BAALC: variants seen among roughly 807,000 people sequenced by gnomAD.
BAALC encodes BAALC binder of MAP3K1 and KLF4, also known as brain and acute leukemia cytoplasmic protein.
A neutral mutation model predicts 15.5 loss-of-function variants in BAALC; 9 were observed. The ratio of observed to expected loss-of-function variants is 0.58; its 90% CI spans 0.35 to 1.02. BAALC has a LOEUF of 1.02. BAALC is among the 50% of genes least tolerant of loss of function. The probability of loss-of-function intolerance (pLI) is 0.02; values close to 1 mark genes in which losing one functional copy is unlikely to be tolerated. For synonymous variants in BAALC, 80 were observed against 74.6 expected (o/e 1.07, Z -0.37); for missense variants, 201 against 192.4 (o/e 1.04, Z -0.27).
chr8:103,206,165 GCCTT>G (rs1291368834), intron 1 of BAALC, among the ~76,000 whole-genome samples: 1 of 152,130 alleles, frequency 6.6e-6, no homozygotes, highest in Non-Finnish European at 1.5e-5. Context: ...TCAACCTCCA[GCCTT>G]CCCAGAAACA....
chr8:103,193,577 T>C (rs1292700804), intron 1 of BAALC, among the ~76,000 whole-genome samples: 1 of 152,124 alleles, frequency 6.6e-6, no homozygotes, highest in African/African-American at 2.4e-5. Flanking sequence ...TGGGAGCAAA[T>C]AGATGGGAGC....
intron 1 of BAALC, among the ~76,000 whole-genome samples, chr8:103,175,404 T>G (rs1001538588): frequency 4.6e-5 from 7 of 152,266 alleles, no homozygotes; most frequent in African/African-American, 1.7e-4. Flanking sequence ...ATTTCAGAAC[T>G]GTTTTATCAT....
At chr8:103,219,233 C>G (rs1428518586) in intron 2 of BAALC, among the ~76,000 whole-genome samples, 2 of 152,192 alleles carry the variant, frequency 1.3e-5, no homozygotes, top group Non-Finnish European at 2.9e-5. Context: ...CTGGAAGGCT[C>G]TCAGGGCAGA....
At chr8:103,191,894 G>C (rs1327051150) in intron 1 of BAALC, among the ~76,000 whole-genome samples, 1 of 152,106 alleles carries the variant, frequency 6.6e-6, no homozygotes, top group Non-Finnish European at 1.5e-5. Context: ...AGGAATGGGG[G>C]CTTAAGAGTC....
chr8:103,152,321 A>T (rs1224534655), intron 1 of BAALC, among the ~76,000 whole-genome samples: 3 of 152,012 alleles, frequency 2.0e-5, no homozygotes, highest in Non-Finnish European at 2.9e-5. Context: ...CTCTGAATAC[A>T]TGGAGCCCCT....
chr8:103,145,473 C>G (rs1049762238), intron 1 of BAALC, among the ~76,000 whole-genome samples: 1 of 152,226 alleles, frequency 6.6e-6, no homozygotes, highest in African/African-American at 2.4e-5. Context: ...CAAAGTCCCT[C>G]TTGATACAAG....
intron 2 of BAALC, 120 bp downstream of exon 2, chr8:103,213,205 A>G: frequency 8.7e-7 from 1 of 1,154,704 alleles, no homozygotes; most frequent in South Asian, 2.1e-5. Context: ...TCTTGGAAAA[A>G]AAAAGTCTCT....
chr8:103,175,867 A>G (rs1461390658), intron 1 of BAALC, among the ~76,000 whole-genome samples: 2 of 152,224 alleles, frequency 1.3e-5, no homozygotes, highest in Non-Finnish European at 1.5e-5. Flanking sequence ...CCTGCTTTAC[A>G]TAGTATCCTC....
At chr8:103,188,394 C>T (rs1811893046) in intron 1 of BAALC, among the ~76,000 whole-genome samples, 1 of 152,110 alleles carries the variant, frequency 6.6e-6, no homozygotes, top group African/African-American at 2.4e-5. Flanking sequence ...TGACCCCGCA[C>T]AGTCTGAAAG....
intron 1 of BAALC, among the ~76,000 whole-genome samples, chr8:103,171,375 G>GGC (rs1244780053): frequency 2.1e-3 from 182 of 85,886 alleles, no homozygotes; most frequent in African/African-American, 7.1e-3. Flanking sequence ...GAGAAAGAAA[G>GGC]AAAGGCAAGA....
intron 1 of BAALC, among the ~76,000 whole-genome samples, chr8:103,179,963 G>C (rs1476501229): frequency 6.6e-6 from 1 of 152,130 alleles, no homozygotes; most frequent in Non-Finnish European, 1.5e-5. Context: ...ATTGCAGAGG[G>C]AAGTTGTTGT....
At chr8:103,143,829 G>A (rs1333511894) in intron 1 of BAALC, among the ~76,000 whole-genome samples, 8 of 152,282 alleles carry the variant, frequency 5.3e-5, no homozygotes, top group African/African-American at 1.2e-4. Context: ...CCTGTCCTCC[G>A]TCCTGTCAGC....
chr8:103,165,883 G>A (rs539647373), intron 1 of BAALC: 2 of 152,308 alleles, frequency 1.3e-5, no homozygotes, highest in East Asian at 3.9e-4. Flanking sequence ...GGTGCACACT[G>A]AATTCTGTAA....
intron 1 of BAALC, among the ~76,000 whole-genome samples, chr8:103,199,436 A>T (rs967994605): frequency 6.6e-6 from 1 of 152,136 alleles, no homozygotes; most frequent in African/African-American, 2.4e-5. Context: ...TAAATTACAG[A>T]TACATAAAGG....
intron 1 of BAALC, chr8:103,198,087 A>G (rs1177664004): frequency 2.9e-6 from 2 of 699,388 alleles, no homozygotes; most frequent in East Asian, 2.7e-5. Context: ...TTCCATCTAC[A>G]TGTACTGTTA....
chr8:103,152,018 T>C (rs1810997245), intron 1 of BAALC, among the ~76,000 whole-genome samples: 2 of 152,100 alleles, frequency 1.3e-5, no homozygotes, highest in Admixed American at 1.3e-4. Context: ...CACATCCGTC[T>C]TCCACTTGAA....
At chr8:103,192,376 C>G (rs1051971929) in intron 1 of BAALC, among the ~76,000 whole-genome samples, 2 of 152,196 alleles carry the variant, frequency 1.3e-5, no homozygotes, top group African/African-American at 2.4e-5. Flanking sequence ...TGATAGTGAG[C>G]TATGTAGTGA....
At chr8:103,186,020 T>C (rs558877679) in intron 1 of BAALC, among the ~76,000 whole-genome samples, 1 of 152,324 alleles carries the variant, frequency 6.6e-6, no homozygotes, top group Non-Finnish European at 1.5e-5. Flanking sequence ...GTGGCCCACA[T>C]TGCCCATTTC....
At chr8:103,142,575 C>G (rs530601557) in intron 1 of BAALC, among the ~76,000 whole-genome samples, 5 of 150,874 alleles carry the variant, frequency 3.3e-5, no homozygotes, top group South Asian at 2.1e-4. Context: ...AGATGTACTC[C>G]GAAGAAATAA....
Sources: allele counts gnomAD v4.1 joint callset (sites outside exome capture counted in the v4.1 genomes callset), GRCh38; gene constraint gnomAD v4.1.1; transcripts MANE v1.5; gene names NCBI Gene and HGNC (gene_info 2026-07-23, HGNC 2026-07-21).